Variants in MYO3A observed in about 807,000 individuals in gnomAD.
MYO3A encodes the protein myosin-IIIa.
Under a neutral mutation model 192.7 loss-of-function variants are expected in MYO3A, and 180 were observed. The ratio of observed to expected loss-of-function variants is 0.93; its 90% CI spans 0.83 to 1.06. MYO3A has a LOEUF of 1.06. MYO3A is among the 50% of genes least tolerant of loss of function. MYO3A has a pLI of 0.00. For synonymous variants in MYO3A, 628 were observed against 645.3 expected (o/e 0.97, Z 0.41); for missense variants, 1,896 against 1,905.0 (o/e 1.00, Z 0.09).
intron 2 of MYO3A, among the ~76,000 whole-genome samples, chr10:25,945,374 G>A (rs760794682): frequency 2.8e-4 from 43 of 152,126 alleles, no homozygotes; most frequent in Non-Finnish European, 4.4e-4. Context: ...GTATATGTCT[G>A]TTAGATCCAA....
At chr10:26,181,287 C>G (rs1361655970) in intron 31 of MYO3A, among the ~76,000 whole-genome samples, 1 of 152,120 alleles carries the variant, frequency 6.6e-6, no homozygotes, top group Non-Finnish European at 1.5e-5. Flanking sequence ...ATGCTATGAA[C>G]TGAGCATTTC....
At chr10:25,980,013 G>T (rs1386475230) in intron 4 of MYO3A, among the ~76,000 whole-genome samples, 2 of 152,160 alleles carry the variant, frequency 1.3e-5, no homozygotes, top group Admixed American at 1.3e-4. Context: ...AAGGCGGGTG[G>T]ATCATGAGGT....
intron 6 of MYO3A, among the ~76,000 whole-genome samples, chr10:26,007,400 G>T (rs867819266): frequency 2.7e-5 from 4 of 148,822 alleles, no homozygotes; most frequent in Non-Finnish European, 5.9e-5. Flanking sequence ...GGGAGGAGAA[G>T]GAAATAAAGG....
At chr10:26,054,198 A>G (rs905827947) in intron 10 of MYO3A, among the ~76,000 whole-genome samples, 1 of 152,216 alleles carries the variant, frequency 6.6e-6, no homozygotes, top group Middle Eastern at 3.2e-3. Context: ...GTTATGTTTT[A>G]AAAAGATCAT....
chr10:26,132,269 A>T (rs1246107819), intron 20 of MYO3A, among the ~76,000 whole-genome samples: 1 of 152,224 alleles, frequency 6.6e-6, no homozygotes, highest in Admixed American at 6.5e-5. Context: ...CCTATCTCAT[A>T]TTAGAATCCC....
At chr10:25,968,454 C>G (rs540589506) in intron 4 of MYO3A, among the ~76,000 whole-genome samples, 1 of 152,164 alleles carries the variant, frequency 6.6e-6, no homozygotes, top group African/African-American at 2.4e-5. Context: ...AAAGTCATAC[C>G]TACAGAAAGG....
rs34045169 is a variant in MYO3A, at chr10:25,946,877, C to CAAAAAAAA, written c.-17-5194_-17-5187dup. On this transcript the variant is annotated intron_variant, in intron 2 of 34. Transcript: ENST00000642920. ...TGGGTGACAGAGTGAGACTCCGTCTCAAAAAAAAAAAAAAAAAAAAAAAAA... is the reference window on the plus strand; with the variant it reads ...TGGGTGACAGAGTGAGACTCCGTCTCAAAAAAAAAAAAAAAAAAAAAAAAAAAAAAAAA... 1.8e-4 allele frequency among the ~76,000 whole-genome samples: 9 copies of CAAAAAAAA among 50,138 alleles called. 2 individuals are homozygous for CAAAAAAAA. The highest frequency in any genetic ancestry group is 8.9e-4 in the African/African-American group (9 of 10,134). 32.9% of individuals were successfully genotyped at this position (50,138 alleles called of 152,430 possible).
At position 26,068,668 on chromosome 10, in the gene MYO3A, G is replaced by A. The variant is rs1427054132; in HGVS notation, c.1054-100G>A. On this transcript the variant is annotated intron_variant, in intron 11 of 34. Coordinates refer to ENST00000642920, the MANE Select transcript of MYO3A (RefSeq NM_017433.5). The stretch of plus-strand genomic sequence containing the variant: ...AGTGTGTCTGTTTTTCTAATCCTTC[G>A]TCCAGATTCCAGATGTTCTGTTTAT... 5.4e-5 allele frequency: 41 copies of A among 761,882 alleles called. 1 individual carries two copies. Among genetic ancestry groups the A allele is most frequent in the South Asian group, 2.4e-4 (16 of 67,142 alleles). The allele number at this position is 761,882 out of a possible 1,614,324, so 47.2% of individuals were successfully genotyped here.
chr10:25,994,940 A>G (rs568282088), intron 4 of MYO3A, among the ~76,000 whole-genome samples: 178 of 152,148 alleles, frequency 1.2e-3, no homozygotes, highest in Non-Finnish European at 2.1e-3. Flanking sequence ...GCTGCCCTTA[A>G]TATTTTTTCC....
intron 2 of MYO3A, among the ~76,000 whole-genome samples, chr10:25,945,793 C>T (rs892126407): frequency 3.3e-5 from 5 of 151,930 alleles, no homozygotes; most frequent in African/African-American, 9.7e-5. Flanking sequence ...GGTTGTTTTT[C>T]GATGTTATAA....
In MYO3A at chr10:26,199,367, A is replaced by G. The variant is rs532759919; in HGVS notation, c.4546-1898A>G. ...TAAGAGTTCGAGACCAGCCTGGGGA[A>G]CATAGCGAAACCTTGTCTCCACAAA... On this transcript the variant is annotated intron_variant, in intron 32 of 34. Transcript: ENST00000642920. 4.6e-5 allele frequency among the ~76,000 whole-genome samples: 7 copies of G among 152,264 alleles called. No homozygotes were observed. The South Asian group carries it at 1.5e-3, about 32-fold the overall frequency.
At chr10:26,003,553 A>C (rs940898029) in intron 6 of MYO3A, among the ~76,000 whole-genome samples, 11 of 152,190 alleles carry the variant, frequency 7.2e-5, no homozygotes, top group African/African-American at 2.7e-4. Context: ...GAGCAAAATG[A>C]CAAGTGAGGT....
intron 10 of MYO3A, among the ~76,000 whole-genome samples, chr10:26,035,948 T>G (rs1386877042): frequency 2.0e-5 from 3 of 152,184 alleles, no homozygotes; most frequent in Non-Finnish European, 2.9e-5. Context: ...GACTTTTTTT[T>G]TTTGAGATGG....
chr10:26,040,882 A>G (rs1487418909), intron 10 of MYO3A, among the ~76,000 whole-genome samples: 1 of 152,098 alleles, frequency 6.6e-6, no homozygotes, highest in East Asian at 1.9e-4. Context: ...CATTGGATGA[A>G]TGTTCTATAA....
chr10:26,145,133 C>A (rs183945519), intron 21 of MYO3A, among the ~76,000 whole-genome samples: 233 of 149,792 alleles, frequency 1.6e-3, no homozygotes, highest in African/African-American at 5.6e-3. Context: ...GAGCCAAGAT[C>A]GCACCATTGC....
intron 3 of MYO3A, among the ~76,000 whole-genome samples, chr10:25,952,587 CAG>C (rs1282606664): frequency 6.6e-6 from 1 of 152,064 alleles, no homozygotes; most frequent in Non-Finnish European, 1.5e-5. Flanking sequence ...GATACAAACT[CAG>C]GGGTCTAGAA....
In MYO3A at chr10:26,153,924, G is replaced by A. The variant is rs1391334286; in HGVS notation, c.2710G>A (p.Ala904Thr). The part of the protein sequence containing the change: ...MRTSEKLINL[A>T]KGDTGEATRH... The stretch of plus-strand genomic sequence containing the variant: ...GACTTCAGAAAAATTAATCAACCTG[G>A]CAAAGGTAAGAAAATGCTTTTTTTC... Residue 904 changes from alanine (A) to threonine (T), a missense_variant, in exon 24 of 35, where the codon GCA (alanine) becomes ACA (threonine). Coordinates refer to ENST00000642920, the MANE Select transcript of MYO3A (RefSeq NM_017433.5). 2 of 1,585,888 alleles carry A rather than the reference G, an allele frequency of 1.3e-6. No homozygotes were observed. Among genetic ancestry groups the A allele is most frequent in the Admixed American group, 3.3e-5 (2 of 59,910 alleles).
intron 10 of MYO3A, among the ~76,000 whole-genome samples, chr10:26,035,260 TAAAA>T (rs2131178028): frequency 6.6e-6 from 1 of 152,278 alleles, no homozygotes; most frequent in East Asian, 1.9e-4. Context: ...GCTCCCAGAA[TAAAA>T]ACTAAATGGC....
chr10:25,999,382 A>G (rs1176203517), intron 6 of MYO3A, among the ~76,000 whole-genome samples: 1 of 152,156 alleles, frequency 6.6e-6, no homozygotes, highest in East Asian at 1.9e-4. Flanking sequence ...AGTACTTATA[A>G]TATTTCTATT....
Sources: allele counts gnomAD v4.1 joint callset (sites outside exome capture counted in the v4.1 genomes callset), GRCh38; gene constraint gnomAD v4.1.1; transcripts MANE v1.5; gene names NCBI Gene and HGNC (gene_info 2026-07-23, HGNC 2026-07-21).